TWF1: variants seen among roughly 807,000 people sequenced by gnomAD.
TWF1 encodes twinfilin actin binding protein 1, also known as twinfilin-1.
Under a neutral mutation model 47.9 loss-of-function variants are expected in TWF1, and 14 were observed. The observed-to-expected ratio is 0.29, with a 90% CI of 0.19 to 0.46. TWF1 has a LOEUF of 0.46. TWF1 is among the 20% of genes least tolerant of loss of function. The pLI is 1.00. For missense variants in TWF1, 281 were observed against 409.3 expected (o/e 0.69, Z 2.70); for synonymous variants, 96 against 139.2 (o/e 0.69, Z 2.18).
At chr12:43,802,651 T>A (rs1310165397) in intron 2 of TWF1, among the ~76,000 whole-genome samples, 187 bp from the exon 3 acceptor site, 1 of 152,202 alleles carries the variant, frequency 6.6e-6, no homozygotes, top group Admixed American at 6.5e-5. Flanking sequence ...AACTGTTAAC[T>A]TTTTATGAAC....
Position 43,805,085 on chromosome 12 carries a change from A to T in TWF1, c.26-513T>A, listed in dbSNP as rs1051942932. ...TCTTAACTCTGGTTATATTTTTCTA[A>T]CTTGCATTTCTCAAAAGCTAGATTA... On this transcript the variant is annotated intron_variant, in intron 1 of 8. Transcript: ENST00000395510. Among the ~76,000 whole-genome samples, 7 of 152,358 alleles carry T rather than the reference A, an allele frequency of 4.6e-5. No homozygotes were observed. In the South Asian group the frequency reaches 1.0e-3, roughly 23 times the overall value.
chr12:43,795,511 G>C lies in TWF1; in HGVS notation c.*74C>G. 1 of 1,422,034 alleles carries C rather than the reference G, an allele frequency of 7.0e-7. No homozygotes were observed. The highest frequency in any genetic ancestry group is 1.4e-5 in the South Asian group (1 of 72,610). 88.1% of individuals were successfully genotyped at this position (1,422,034 alleles called of 1,614,324 possible). On this transcript the variant is annotated 3_prime_UTR_variant, in exon 9 of 9. Coordinates refer to ENST00000395510, the MANE Select transcript of TWF1 (RefSeq NM_002822.5). ...TTTTTCCCTACTTTATATCAACATG[G>C]AATGATTTCAGTTCTCCTGTACTAA...
intron 2 of TWF1, among the ~76,000 whole-genome samples, chr12:43,803,926 C>G (rs893124234): frequency 1.4e-4 from 21 of 151,984 alleles, no homozygotes; most frequent in African/African-American, 5.1e-4. Flanking sequence ...TGTTCAAATT[C>G]AAATCTGCCT....
At chr12:43,804,397 T>C (rs536840216) in intron 2 of TWF1, 98 bp downstream of exon 2, 1 of 788,150 alleles carries the variant, frequency 1.3e-6, no homozygotes, top group East Asian at 2.8e-5. Flanking sequence ...TTGCTTCATA[T>C]TAATTAATAG....
chr12:43,797,903 A>C, intron 5 of TWF1, 70 bp from the exon 6 acceptor site: 2 of 1,497,612 alleles, frequency 1.3e-6, no homozygotes, highest in Non-Finnish European at 9.0e-7. Flanking sequence ...AAGAAAACCC[A>C]ACCTCTATAA....
At chr12:43,806,037 G>A (rs910528211) in intron 1 of TWF1, 184 bp downstream of exon 1, 2 of 1,520,524 alleles carry the variant, frequency 1.3e-6, no homozygotes, top group African/African-American at 2.8e-5. Flanking sequence ...CGGGCTGGAG[G>A]AGGACGCAGG....
intron 8 of TWF1, 64 bp from the exon 9 acceptor site, chr12:43,795,819 AG>A (rs1317216878): frequency 3.3e-6 from 5 of 1,532,170 alleles, no homozygotes; most frequent in Non-Finnish European, 4.5e-6. Context: ...GCTGGTTTTC[AG>A]GTATATGAAT....
Position 43,806,281 on chromosome 12 carries a change from T to G in TWF1, c.-36A>C, listed in dbSNP as rs1366975742. 6.7e-7 allele frequency: 1 copy of G among 1,488,052 alleles called. No homozygotes were observed. Among genetic ancestry groups the G allele is most frequent in the African/African-American group, 1.5e-5 (1 of 68,298 alleles). The allele number at this position is 1,488,052 out of a possible 1,614,324, so 92.2% of individuals were successfully genotyped here. A position where few individuals can be genotyped will look rare whatever the true frequency, so the allele number is the denominator to read the frequency against. ...GCTAGCTCCCGGCTCCGGCGCTGAG[T>G]GCAGCCAGCGGCCCCGGCCGGCGGC... On this transcript the variant is annotated 5_prime_UTR_variant, in exon 1 of 9. Coordinates refer to ENST00000395510, the MANE Select transcript of TWF1 (RefSeq NM_002822.5).
rs923883421 is a variant in TWF1 at position 43,804,495 on chromosome 12, C to A, written c.103G>T (p.Glu35Ter). The A allele has an allele frequency of 1.3e-6, 2 of 1,573,384 alleles. No homozygotes were observed. The highest frequency in any genetic ancestry group is 1.7e-5 in the Admixed American group (1 of 57,494). ...AAATATTTTAAAATATTTAACTAAC[C>A]ATTTTCAATAGATATTTTCAGAAGT... ...YRLLKISIENEQLVIGSYSQP... is the reference protein window; with the variant it reads ...YRLLKISIEN Residue 35 changes from glutamate (E) to a stop codon, truncating the protein, a stop_gained and splice_region_variant, in exon 2 of 9, where the codon GAG becomes TAG. Coordinates refer to ENST00000395510, the MANE Select transcript of TWF1 (RefSeq NM_002822.5). LOFTEE classifies it high-confidence loss of function.
At chr12:43,804,128 C>T (rs1424429141) in intron 2 of TWF1, 1 of 337,214 alleles carries the variant, frequency 3.0e-6, no homozygotes, top group South Asian at 2.3e-5. Flanking sequence ...TAAAAACAAA[C>T]TTAATTGAAT....
At position 43,794,493 on chromosome 12, in the gene TWF1, T is replaced by C. The variant is rs1942515575; in HGVS notation, c.*1092A>G. ...ACAAATCCTGGATCCCCACAGTTCA[T>C]TTAGAAAATGCCTCAAAGTTATGGC... On this transcript the variant is annotated 3_prime_UTR_variant, in exon 9 of 9. Coordinates refer to ENST00000395510, the MANE Select transcript of TWF1 (RefSeq NM_002822.5). 6.6e-6 allele frequency: 1 copy of C among 150,412 alleles called. No homozygotes were observed. Among genetic ancestry groups the C allele is most frequent in the African/African-American group, 2.5e-5 (1 of 40,504 alleles). The allele number at this position is 150,412 out of a possible 1,614,324, so 9.3% of individuals were successfully genotyped here. A position where few individuals can be genotyped will look rare whatever the true frequency, so the allele number is the denominator to read the frequency against.
intron 3 of TWF1, among the ~76,000 whole-genome samples, chr12:43,800,744 A>G (rs1191746170): frequency 6.6e-6 from 1 of 152,124 alleles, no homozygotes; most frequent in Non-Finnish European, 1.5e-5. Context: ...ACTTCAATTT[A>G]CAATGTCACT....
intron 5 of TWF1, chr12:43,798,697 C>T (rs893984602): frequency 1.0e-5 from 12 of 1,166,812 alleles, no homozygotes; most frequent in South Asian, 1.6e-5. Flanking sequence ...TCCTTGCTAC[C>T]AGTTTAATAT....
At chr12:43,802,627 T>C (rs1942682771) in intron 2 of TWF1, among the ~76,000 whole-genome samples, 163 bp from the exon 3 acceptor site, 2 of 152,296 alleles carry the variant, frequency 1.3e-5, no homozygotes, top group Admixed American at 1.3e-4. Context: ...AATTATGACA[T>C]AGAGTATTAT....
chr12:43,799,585 TAACAG>T, intron 4 of TWF1, 83 bp from the exon 5 acceptor site: 1 of 650,186 alleles, frequency 1.5e-6, no homozygotes. Flanking sequence ...ACAAAATCAT[TAACAG>T]AAAAGATTTT....
chr12:43,805,817 A>C, intron 1 of TWF1: 14 of 1,373,782 alleles, frequency 1.0e-5, no homozygotes, highest in Non-Finnish European at 1.4e-5. Flanking sequence ...TGGACCATGA[A>C]AAAGAAAACT....
At chr12:43,801,384 T>C (rs886074754) in intron 3 of TWF1, among the ~76,000 whole-genome samples, 2 of 152,148 alleles carry the variant, frequency 1.3e-5, no homozygotes, top group African/African-American at 4.8e-5. Flanking sequence ...TTCTTTCAGA[T>C]AGAACATGGG....
rs11556066 is a variant in TWF1, at chr12:43,794,704, C to G, written c.*881G>C. On this transcript the variant is annotated 3_prime_UTR_variant, in exon 9 of 9. Coordinates refer to ENST00000395510, the MANE Select transcript of TWF1 (RefSeq NM_002822.5). ...TATTAAGGTGTTTATCTACGTTAGC[C>G]TGTTAAGTACCAGGACTTTAAAGTA... The G allele has an allele frequency of 0.17, 25,449 of 151,722 alleles. 2,604 individuals are homozygous for G. Among genetic ancestry groups the G allele is most frequent in the African/African-American group, 0.28 (11,523 of 41,198 alleles). 9.4% of individuals were successfully genotyped at this position (151,722 alleles called of 1,614,324 possible). A position where few individuals can be genotyped will look rare whatever the true frequency, so the allele number is the denominator to read the frequency against.
intron 1 of TWF1, chr12:43,805,888 A>T: frequency 6.9e-7 from 1 of 1,456,118 alleles, no homozygotes; most frequent in Non-Finnish European, 9.2e-7. Flanking sequence ...GCTCTTCCCT[A>T]CGTGACCAAA....
Sources: allele counts gnomAD v4.1 joint callset (sites outside exome capture counted in the v4.1 genomes callset), GRCh38; gene constraint gnomAD v4.1.1; transcripts MANE v1.5; gene names NCBI Gene and HGNC (gene_info 2026-07-23, HGNC 2026-07-21).